Variants in RAP1GDS1 observed in about 807,000 individuals in gnomAD.
The protein encoded by RAP1GDS1 is Rap1 GTPase-GDP dissociation stimulator 1, also known as RAP1, GTP-GDP dissociation stimulator 1.
In RAP1GDS1, 35 loss-of-function variants were observed where a neutral mutation model predicts 71.1. The ratio of observed to expected loss-of-function variants is 0.49; its 90% CI spans 0.38 to 0.65. The LOEUF (loss-of-function observed/expected upper bound fraction) is 0.65, where lower values mean the gene tolerates loss of function less well. Among genes scored for constraint, RAP1GDS1 ranks in the 30% least tolerant of loss-of-function variants. The probability of loss-of-function intolerance (pLI) is 0.00; values close to 1 mark genes in which losing one functional copy is unlikely to be tolerated. For synonymous variants in RAP1GDS1, 229 were observed against 243.1 expected (o/e 0.94, Z 0.54); for missense variants, 663 against 706.1 (o/e 0.94, Z 0.69).
intron 6 of RAP1GDS1, 103 bp downstream of exon 6, chr4:98,392,183 T>A: frequency 9.0e-7 from 1 of 1,112,110 alleles, no homozygotes; most frequent in Non-Finnish European, 1.2e-6. Context: ...TAGATTGTAT[T>A]AGTTTATTTT....
intron 1 of RAP1GDS1, among the ~76,000 whole-genome samples, chr4:98,268,998 A>C (rs923347956): frequency 5.3e-5 from 8 of 152,034 alleles, no homozygotes; most frequent in Admixed American, 5.2e-4. Flanking sequence ...AATAGCCAGA[A>C]TAATCTTGAG....
At chr4:98,386,460 C>T (rs1742771983) in intron 5 of RAP1GDS1, among the ~76,000 whole-genome samples, 1 of 151,650 alleles carries the variant, frequency 6.6e-6, no homozygotes, top group African/African-American at 2.4e-5. Context: ...ATTTTCAGAA[C>T]CCAGAAAGAA....
At chr4:98,317,842 TTC>T (rs1560823621) in intron 2 of RAP1GDS1, among the ~76,000 whole-genome samples, 1 of 146,370 alleles carries the variant, frequency 6.8e-6, no homozygotes, top group South Asian at 2.1e-4. Flanking sequence ...TTTTCTTTTC[TTC>T]TCTTTTTTTT....
At chr4:98,303,039 C>T (rs566901286) in intron 2 of RAP1GDS1, among the ~76,000 whole-genome samples, 5 of 148,572 alleles carry the variant, frequency 3.4e-5, no homozygotes, top group South Asian at 2.1e-4. Flanking sequence ...GAGCAAGACT[C>T]AGTCTCAAAT....
intron 2 of RAP1GDS1, among the ~76,000 whole-genome samples, chr4:98,303,916 T>C (rs1728940980): frequency 6.6e-6 from 1 of 152,052 alleles, no homozygotes; most frequent in Admixed American, 6.6e-5. Context: ...ATGTGTTTTC[T>C]TTGTTCAGCT....
intron 5 of RAP1GDS1, among the ~76,000 whole-genome samples, chr4:98,383,571 A>G (rs1362159916): frequency 6.6e-6 from 1 of 151,374 alleles, no homozygotes; most frequent in Non-Finnish European, 1.5e-5. Context: ...GCATGGGCTG[A>G]TGATAATTAA....
chr4:98,376,897 A>G (rs1187683720), intron 4 of RAP1GDS1, among the ~76,000 whole-genome samples: 1 of 151,980 alleles, frequency 6.6e-6, no homozygotes, highest in Admixed American at 6.6e-5. Flanking sequence ...TGAAACACAA[A>G]TAGGTAATTT....
intron 5 of RAP1GDS1, among the ~76,000 whole-genome samples, chr4:98,391,570 A>C (rs1412588984): frequency 1.3e-5 from 2 of 151,734 alleles, no homozygotes; most frequent in African/African-American, 4.8e-5. Context: ...CATGCTTTTC[A>C]TATTCTGTGA....
At chr4:98,352,138 A>G (rs1466891405) in intron 3 of RAP1GDS1, among the ~76,000 whole-genome samples, 3 of 152,014 alleles carry the variant, frequency 2.0e-5, no homozygotes, top group African/African-American at 7.2e-5. Flanking sequence ...CATTGTTTCC[A>G]TCATCACACA....
intron 6 of RAP1GDS1, among the ~76,000 whole-genome samples, chr4:98,402,029 A>G (rs2110149708): frequency 6.6e-6 from 1 of 152,292 alleles, no homozygotes; most frequent in South Asian, 2.1e-4. Flanking sequence ...GCAGAGGGAT[A>G]ACCAACAAAG....
intron 4 of RAP1GDS1, among the ~76,000 whole-genome samples, chr4:98,372,231 C>T (rs1024829935): frequency 2.6e-5 from 4 of 152,048 alleles, no homozygotes; most frequent in Non-Finnish European, 4.4e-5. Flanking sequence ...GGCGCGATCT[C>T]GGCTCACTGC....
chr4:98,407,404 A>C (rs1322420831), intron 7 of RAP1GDS1, among the ~76,000 whole-genome samples: 2 of 152,224 alleles, frequency 1.3e-5, no homozygotes, highest in Non-Finnish European at 2.9e-5. Context: ...AAGCAGAAGA[A>C]AAGATAGGGT....
chr4:98,419,310 T>A (rs1457565813), intron 10 of RAP1GDS1, among the ~76,000 whole-genome samples: 1 of 152,078 alleles, frequency 6.6e-6, no homozygotes, highest in Non-Finnish European at 1.5e-5. Flanking sequence ...CACCTTTGCC[T>A]CCTAAAGTGC....
rs555613109 is a variant in RAP1GDS1 at position 98,314,257 on chromosome 4, A to G, written c.112+20742A>G. 3.3e-5 allele frequency among the ~76,000 whole-genome samples: 5 copies of G among 152,300 alleles called. No homozygotes were observed. The South Asian group carries it at 1.0e-3, about 32-fold the overall frequency. On this transcript the variant is annotated intron_variant, in intron 2 of 14. Transcript: ENST00000408927. ...TTTGCTTATGAAAAAACTATAATCCAAGACCTGATTAGCTTAATGCAAAGT... is the reference window on the plus strand; with the variant it reads ...TTTGCTTATGAAAAAACTATAATCCGAGACCTGATTAGCTTAATGCAAAGT...
chr4:98,276,041 AT>A (rs371037140), intron 1 of RAP1GDS1, among the ~76,000 whole-genome samples: 2 of 151,546 alleles, frequency 1.3e-5, no homozygotes, highest in African/African-American at 2.4e-5. Context: ...TAAACAACAG[AT>A]TTTTTTTTCC....
intron 6 of RAP1GDS1, among the ~76,000 whole-genome samples, chr4:98,397,178 A>C (rs1744666177): frequency 6.6e-6 from 1 of 152,094 alleles, no homozygotes; most frequent in South Asian, 2.1e-4. Context: ...ATAACCATGG[A>C]ATTTTTTTTT....
intron 5 of RAP1GDS1, among the ~76,000 whole-genome samples, chr4:98,386,720 TTA>T (rs1214757514): frequency 6.6e-6 from 1 of 151,974 alleles, no homozygotes; most frequent in Non-Finnish European, 1.5e-5. Context: ...AATCTAGTTT[TTA>T]TATCCTCAAC....
intron 12 of RAP1GDS1, among the ~76,000 whole-genome samples, chr4:98,425,412 G>T (rs1425090470): frequency 6.6e-6 from 1 of 152,062 alleles, no homozygotes; most frequent in African/African-American, 2.4e-5. Context: ...GAATGTAAAT[G>T]GCCTAAATGT....
At chr4:98,308,297 C>CTGTATATA (rs1729670801) in intron 2 of RAP1GDS1, among the ~76,000 whole-genome samples, 2 of 73,228 alleles carry the variant, frequency 2.7e-5, no homozygotes, top group South Asian at 1.2e-3. Flanking sequence ...CACACACACA[C>CTGTATATA]TATATATATA....
Sources: allele counts gnomAD v4.1 joint callset (sites outside exome capture counted in the v4.1 genomes callset), GRCh38; gene constraint gnomAD v4.1.1; transcripts MANE v1.5; gene names NCBI Gene and HGNC (gene_info 2026-07-23, HGNC 2026-07-21).